NBEAL1: variants seen among roughly 807,000 people sequenced by gnomAD.
NBEAL1 encodes neurobeachin-like protein 1.
Under a neutral mutation model 351.3 loss-of-function variants are expected in NBEAL1, and 273 were observed. The observed-to-expected ratio is 0.78, with a 90% CI of 0.70 to 0.86. The LOEUF is 0.86. Among genes scored for constraint, NBEAL1 ranks in the 40% least tolerant of loss-of-function variants. The pLI is 0.00. For missense variants in NBEAL1, 2,961 were observed against 3,201.3 expected, an observed-to-expected ratio of 0.92 and a Z score of 1.81; for synonymous variants, 1,050 against 1,086.4, an observed-to-expected ratio of 0.97 and a Z score of 0.66.
At chr2:203,150,056 A>C (rs1366630610) in intron 34 of NBEAL1, among the ~76,000 whole-genome samples, 1 of 152,046 alleles carries the variant, frequency 6.6e-6, no homozygotes, top group Non-Finnish European at 1.5e-5. Flanking sequence ...ACTTGTTTTT[A>C]ATTCTCTTGA....
chr2:203,183,475 T>C, intron 44 of NBEAL1, 87 bp downstream of exon 44: 2 of 748,438 alleles, frequency 2.7e-6, no homozygotes, highest in South Asian at 2.0e-5. Context: ...CTTAGTTATT[T>C]TTCTAGATTA....
At chr2:203,036,583 A>G (rs2061043331) in intron 2 of NBEAL1, among the ~76,000 whole-genome samples, 1 of 149,332 alleles carries the variant, frequency 6.7e-6, no homozygotes, top group South Asian at 2.1e-4. Context: ...TTCATTGGAT[A>G]GTTGTAAGGA....
intron 6 of NBEAL1, among the ~76,000 whole-genome samples, chr2:203,063,302 G>T (rs868002632): frequency 6.6e-6 from 1 of 151,926 alleles, no homozygotes; most frequent in African/African-American, 2.4e-5. Flanking sequence ...AAAAAAATTG[G>T]CCAGGTGTGG....
Position 203,151,543 on chromosome 2 carries a change from T to C in NBEAL1, c.5541T>C (p.Tyr1847=), listed in dbSNP as rs146950181. 1.1e-3 allele frequency: 1,842 copies of C among 1,611,056 alleles called. 38 individuals are homozygous for C. The East Asian group carries it at 0.04, about 35-fold the overall frequency. ...SRMRLKLVPN[Y]NFKTHEEASA... Reference sequence around the variant, plus strand: ...TGAGACTTAAGCTGGTACCGAATTATAATTTCAAAACCCATGAGGAAGCTA... The same window carrying C: ...TGAGACTTAAGCTGGTACCGAATTACAATTTCAAAACCCATGAGGAAGCTA... The change falls in exon 35 of 56, where the codon TAT becomes TAC. Residue 1847 remains tyrosine, a synonymous_variant. Transcript: ENST00000683969.
intron 2 of NBEAL1, among the ~76,000 whole-genome samples, chr2:203,018,574 T>C (rs1170203609): frequency 4.0e-5 from 6 of 151,892 alleles, no homozygotes; most frequent in African/African-American, 1.5e-4. Context: ...GGACAAGCAG[T>C]TTTTTTTGTT....
intron 55 of NBEAL1, 200 bp downstream of exon 55, chr2:203,213,853 T>A: frequency 1.2e-5 from 11 of 901,624 alleles, no homozygotes; most frequent in Non-Finnish European, 1.5e-5. Flanking sequence ...AAGCCCACCT[T>A]TGGCAATTCT....
At chr2:203,169,170 A>C (rs2064237561) in intron 38 of NBEAL1, among the ~76,000 whole-genome samples, 1 of 152,010 alleles carries the variant, frequency 6.6e-6, no homozygotes, top group African/African-American at 2.4e-5. Flanking sequence ...TGATTTCAGC[A>C]AGTACAATAG....
chr2:203,151,372 A>G, intron 34 of NBEAL1, 93 bp from the exon 35 acceptor site: 1 of 939,300 alleles, frequency 1.1e-6, no homozygotes, highest in Non-Finnish European at 1.5e-6. Context: ...AAACAAATGT[A>G]AAATACTTGA....
chr2:203,064,198 C>T (rs1316098985), intron 6 of NBEAL1, among the ~76,000 whole-genome samples: 3 of 152,010 alleles, frequency 2.0e-5, no homozygotes, highest in East Asian at 1.9e-4. Flanking sequence ...GGTTTACAGG[C>T]GTGCACCACC....
intron 46 of NBEAL1, among the ~76,000 whole-genome samples, chr2:203,193,067 G>A (rs2105786325): frequency 6.8e-6 from 1 of 148,078 alleles, no homozygotes; most frequent in South Asian, 2.1e-4. Flanking sequence ...CATCTTGTGG[G>A]TTCAAGCGAT....
At chr2:203,032,484 C>T (rs939292045) in intron 2 of NBEAL1, among the ~76,000 whole-genome samples, 7 of 151,276 alleles carry the variant, frequency 4.6e-5, no homozygotes, top group Non-Finnish European at 7.4e-5. Flanking sequence ...GGTGAAACCC[C>T]GTCTCTACTA....
rs556923204 is a variant in NBEAL1 at position 203,138,310 on chromosome 2, G to A, written c.4714G>A (p.Glu1572Lys). The A allele has an allele frequency of 8.8e-5, 142 of 1,610,258 alleles. 1 individual carries two copies. In the Admixed American group the frequency reaches 2.1e-3, roughly 24 times the overall value. Reference sequence around the variant, plus strand: ...ACTAGTTAATTCAAACATGTGGACCGAGAAGGTGCAGTAATATCTCTTTAA... The same window carrying A: ...ACTAGTTAATTCAAACATGTGGACCAAGAAGGTGCAGTAATATCTCTTTAA... ...EGLVNSNMWT[E>K]KLLEDMMLLF... Residue 1572 changes from glutamate to lysine, a missense_variant, in exon 30 of 56, where the codon GAG becomes AAG. By Grantham distance (56) the Glu-to-Lys change is moderately conservative. Transcript: ENST00000683969.
At chr2:203,138,481 A>G in intron 30 of NBEAL1, 139 bp from the exon 31 acceptor site, 1 of 1,047,910 alleles carries the variant, frequency 9.5e-7, no homozygotes, top group Non-Finnish European at 1.4e-6. Context: ...TACTAGGATG[A>G]TTCTTTTGGC....
At chr2:203,129,371 C>T (rs947636874) in intron 24 of NBEAL1, among the ~76,000 whole-genome samples, 1 of 152,092 alleles carries the variant, frequency 6.6e-6, no homozygotes, top group African/African-American at 2.4e-5. Context: ...ATTTTGCCCT[C>T]TATATATAAT....
intron 31 of NBEAL1, among the ~76,000 whole-genome samples, chr2:203,141,381 T>A (rs1290030910): frequency 6.6e-5 from 6 of 90,420 alleles, no homozygotes; most frequent in Admixed American, 2.6e-4. Flanking sequence ...TTTTTTTTTT[T>A]TTTTTTTTTT....
intron 31 of NBEAL1, among the ~76,000 whole-genome samples, chr2:203,140,319 A>C (rs1057487424): frequency 1.4e-4 from 22 of 152,008 alleles, no homozygotes; most frequent in African/African-American, 5.1e-4. Flanking sequence ...AAAAAAAAGA[A>C]AATACACAAA....
intron 12 of NBEAL1, among the ~76,000 whole-genome samples, chr2:203,107,061 T>C (rs1449948720): frequency 6.6e-6 from 1 of 152,158 alleles, no homozygotes; most frequent in African/African-American, 2.4e-5. Flanking sequence ...CCTCATTTTT[T>C]CCTCTATTTT....
intron 45 of NBEAL1, among the ~76,000 whole-genome samples, chr2:203,189,872 AC>A (rs2065015893): frequency 6.6e-6 from 1 of 151,126 alleles, no homozygotes; most frequent in Admixed American, 6.6e-5. Context: ...GTGGTGGCTC[AC>A]GCCTGTAATC....
At chr2:203,089,275 C>T (rs890627547) in intron 10 of NBEAL1, among the ~76,000 whole-genome samples, 1 of 151,742 alleles carries the variant, frequency 6.6e-6, no homozygotes, top group African/African-American at 2.4e-5. Context: ...AAGAGAATCA[C>T]TTGAACCTCA....
Sources: gnomAD v4.1 joint callset for allele counts (sites outside exome capture counted in the v4.1 genomes callset) on GRCh38, gnomAD v4.1.1 for gene constraint, MANE v1.5 for transcripts, NCBI Gene and HGNC (gene_info 2026-07-23, HGNC 2026-07-21) for gene names.